The following DNAJC1 variants were observed in gnomAD, a reference collection of about 807,000 sequenced individuals.
DNAJC1 encodes the protein dnaJ homolog subfamily C member 1.
A neutral mutation model predicts 76.6 loss-of-function variants in DNAJC1; 58 were observed. The ratio of observed to expected loss-of-function variants is 0.76; its 90% CI spans 0.61 to 0.94. The LOEUF (loss-of-function observed/expected upper bound fraction) is 0.94, where lower values mean the gene tolerates loss of function less well. Ranked by LOEUF, DNAJC1 falls within the 40% of genes least tolerant of loss-of-function variation. DNAJC1 has a pLI of 0.00. For synonymous variants in DNAJC1, 258 were observed against 267.9 expected, an observed-to-expected ratio of 0.96 and a Z score of 0.36; for missense variants, 689 against 677.3, an observed-to-expected ratio of 1.02 and a Z score of -0.19.
At chr10:21,779,579 C>A (rs1371760782) in intron 9 of DNAJC1, among the ~76,000 whole-genome samples, 2 of 152,086 alleles carry the variant, frequency 1.3e-5, no homozygotes, top group African/African-American at 4.8e-5. Flanking sequence ...GACATCCACA[C>A]CAAAACCCCA....
intron 2 of DNAJC1, 144 bp downstream of exon 2, chr10:21,928,896 A>T: frequency 1.8e-6 from 1 of 549,098 alleles, no homozygotes; most frequent in Non-Finnish European, 3.0e-6. Context: ...CATTTTGTAG[A>T]AACTTGAAAA....
intron 1 of DNAJC1, among the ~76,000 whole-genome samples, chr10:21,952,241 A>G (rs1327167878): frequency 6.6e-6 from 1 of 152,220 alleles, no homozygotes; most frequent in African/African-American, 2.4e-5. Context: ...CTTCTCATAT[A>G]ATTTTTCAGT....
chr10:21,881,347 C>T (rs981452594), intron 8 of DNAJC1, among the ~76,000 whole-genome samples: 3 of 152,156 alleles, frequency 2.0e-5, no homozygotes, highest in Non-Finnish European at 4.4e-5. Flanking sequence ...TAAAATTTAG[C>T]TAACTGTTTG....
chr10:21,816,970 C>A (rs1835087878), intron 8 of DNAJC1, among the ~76,000 whole-genome samples: 1 of 144,842 alleles, frequency 6.9e-6, no homozygotes, highest in African/African-American at 2.5e-5. Flanking sequence ...CTGGCTAACA[C>A]AGTGAAACCC....
intron 1 of DNAJC1, among the ~76,000 whole-genome samples, chr10:21,985,984 C>G (rs1018388544): frequency 3.3e-5 from 5 of 152,062 alleles, no homozygotes; most frequent in African/African-American, 1.2e-4. Flanking sequence ...TCCCAGCACT[C>G]TGGGAAGCCG....
At chr10:21,851,123 A>T (rs977025877) in intron 8 of DNAJC1, among the ~76,000 whole-genome samples, 3 of 152,214 alleles carry the variant, frequency 2.0e-5, no homozygotes, top group Non-Finnish European at 4.4e-5. Context: ...AGTCCAAACA[A>T]CAAAAATAGA....
intron 9 of DNAJC1, among the ~76,000 whole-genome samples, chr10:21,791,694 G>A (rs370305734): frequency 6.6e-5 from 10 of 151,974 alleles, no homozygotes; most frequent in Admixed American, 2.6e-4. Flanking sequence ...TGAAACAAAC[G>A]AAATTAAAAA....
intron 9 of DNAJC1, among the ~76,000 whole-genome samples, chr10:21,803,163 A>G (rs75844688): frequency 0.036 from 5,405 of 152,204 alleles, 161 homozygotes; most frequent in African/African-American, 0.07. Flanking sequence ...AACCCAAATA[A>G]AGAATCACAT....
At chr10:21,846,032 T>C (rs1835654130) in intron 8 of DNAJC1, among the ~76,000 whole-genome samples, 1 of 152,182 alleles carries the variant, frequency 6.6e-6, no homozygotes, top group African/African-American at 2.4e-5. Context: ...ATGAAAGATC[T>C]ATAATGCAAC....
intron 1 of DNAJC1, among the ~76,000 whole-genome samples, chr10:21,934,071 T>C (rs1482421068): frequency 2.0e-5 from 3 of 152,072 alleles, no homozygotes; most frequent in Admixed American, 6.5e-5. Flanking sequence ...AGAAGGGGCA[T>C]TGTTATAAAA....
chr10:21,809,118 C>G (rs1162185566), intron 8 of DNAJC1, among the ~76,000 whole-genome samples: 1 of 151,974 alleles, frequency 6.6e-6, no homozygotes, highest in Non-Finnish European at 1.5e-5. Flanking sequence ...CTCTGAAAAT[C>G]CTCTATATTC....
rs1222434771 is a variant in DNAJC1 at position 21,759,297 on chromosome 10, G to C, written c.1469C>G (p.Ala490Gly). The C allele has an allele frequency of 2.4e-5, 39 of 1,614,104 alleles. No individual in the cohort carries two copies. The highest frequency in any genetic ancestry group is 3.2e-5 in the Non-Finnish European group (38 of 1,180,044). ...SDEESLRKER[A>G]RSAEEPWTQN... ...AGTCCACGGCTCCTCTGCAGACCGA[G>C]CTCTCTCTTTTCTCAGGCTCTCCTC... is the stretch of plus-strand genomic sequence containing the variant. The change falls in exon 11 of 12, where the codon GCT becomes GGT. Residue 490 changes from alanine (A) to glycine (G), a missense_variant. Coordinates refer to ENST00000376980, the MANE Select transcript of DNAJC1 (RefSeq NM_022365.4).
intron 7 of DNAJC1, among the ~76,000 whole-genome samples, chr10:21,893,250 C>T (rs746135133): frequency 3.9e-5 from 6 of 151,978 alleles, no homozygotes; most frequent in Admixed American, 2.0e-4. Flanking sequence ...CATTTGGAAA[C>T]GAAGCAATAT....
chr10:21,931,364 T>C (rs528439411), intron 1 of DNAJC1, among the ~76,000 whole-genome samples: 18 of 152,328 alleles, frequency 1.2e-4, no homozygotes, highest in African/African-American at 3.6e-4. Context: ...ATCTATCCAG[T>C]TGAGTTATTT....
chr10:21,876,323 GCTGGTCTGGAA>G (rs1676732290), intron 8 of DNAJC1, among the ~76,000 whole-genome samples: 1 of 151,946 alleles, frequency 6.6e-6, no homozygotes. Flanking sequence ...TGTTGCCCAG[GCTGGTCTGGAA>G]CTCCTAACCC....
intron 11 of DNAJC1, 25 bp from the exon 12 acceptor site, chr10:21,756,780 G>A: frequency 6.2e-7 from 1 of 1,608,740 alleles, no homozygotes; most frequent in Non-Finnish European, 8.5e-7. Flanking sequence ...AAAGAGAGGT[G>A]AGAACAGTCA....
intron 1 of DNAJC1, among the ~76,000 whole-genome samples, chr10:21,962,663 T>C (rs1384316898): frequency 5.3e-5 from 8 of 149,558 alleles, no homozygotes; most frequent in Non-Finnish European, 1.0e-4. Flanking sequence ...TTTTTTTTTT[T>C]TGTAGAGACA....
At chr10:21,970,778 T>C (rs1323671499) in intron 1 of DNAJC1, among the ~76,000 whole-genome samples, 1 of 151,976 alleles carries the variant, frequency 6.6e-6, no homozygotes, top group African/African-American at 2.4e-5. Flanking sequence ...GATTATGGTA[T>C]GAAAAAAAAG....
At chr10:21,866,014 A>C (rs1835992935) in intron 8 of DNAJC1, 1 of 151,928 alleles carries the variant, frequency 6.6e-6, no homozygotes, top group Admixed American at 6.6e-5. Flanking sequence ...GCATGCCTGT[A>C]GTCTCAGCTA....
Sources: gnomAD v4.1 joint callset for allele counts (sites outside exome capture counted in the v4.1 genomes callset) on GRCh38, gnomAD v4.1.1 for gene constraint, MANE v1.5 for transcripts, NCBI Gene and HGNC (gene_info 2026-07-23, HGNC 2026-07-21) for gene names.